ZBTB25: variants seen among roughly 807,000 people sequenced by gnomAD.
ZBTB25 encodes zinc finger and BTB domain containing 25, also known as zinc finger and BTB domain-containing protein 25.
A neutral mutation model predicts 34.2 loss-of-function variants in ZBTB25; 20 were observed. The observed-to-expected ratio is 0.58, with a 90% confidence interval of 0.41 to 0.85. The LOEUF (loss-of-function observed/expected upper bound fraction) is 0.85, where lower values mean the gene tolerates loss of function less well. ZBTB25 is among the 40% of genes least tolerant of loss of function. The pLI, the probability that ZBTB25 is intolerant of heterozygous loss-of-function variation, is 0.00. For synonymous variants in ZBTB25, 175 were observed against 186.4 expected, an observed-to-expected ratio of 0.94 and a Z score of 0.50; for missense variants, 437 against 521.8, an observed-to-expected ratio of 0.84 and a Z score of 1.58.
chr14:64,475,743 G>A (rs1402905091), downstream of ZBTB25, among the ~76,000 whole-genome samples: 2 of 152,228 alleles, frequency 1.3e-5, no homozygotes, highest in South Asian at 2.1e-4. Context: ...AGCAGTGAAG[G>A]GAAACCTAGG....
intron 1 of ZBTB25, among the ~76,000 whole-genome samples, chr14:64,494,532 T>C (rs576712382): frequency 7.3e-5 from 11 of 150,856 alleles, no homozygotes; most frequent in African/African-American, 2.4e-4. Flanking sequence ...ACTTGGGAGG[T>C]TGAGGCAGAA....
intron 1 of ZBTB25, chr14:64,499,297 AGGCAT>A (rs2079403293): frequency 6.6e-6 from 1 of 152,162 alleles, no homozygotes; most frequent in Non-Finnish European, 1.5e-5. Context: ...CTCCATGGCC[AGGCAT>A]GGTGGCTCGC....
chr14:64,505,091 C>T (rs1331556494), upstream of ZBTB25: 2 of 355,372 alleles, frequency 5.6e-6, no homozygotes, highest in East Asian at 8.4e-5. Context: ...TGCGAGGACC[C>T]GGTGACGGGC....
chr14:64,504,995 C>T (rs967192977), upstream of ZBTB25: 5 of 391,048 alleles, frequency 1.3e-5, no homozygotes, highest in Non-Finnish European at 2.3e-5. Context: ...TGGCCCAGGC[C>T]GGAGGGCGAC....
intron 2 of ZBTB25, among the ~76,000 whole-genome samples, chr14:64,465,957 C>G (rs1044508343): frequency 2.6e-5 from 4 of 152,150 alleles, no homozygotes; most frequent in Non-Finnish European, 5.9e-5. Flanking sequence ...GTTATCTGTT[C>G]CACGCCCCCG....
rs561565817 is a variant in ZBTB25 at position 64,480,101 on chromosome 14, A to C, written c.*6822T>G. 5.8e-6 allele frequency: 1 copy of C among 173,316 alleles called. No individual in the cohort carries two copies. Among genetic ancestry groups the C allele is most frequent in the African/African-American group, 2.4e-5 (1 of 41,726 alleles). 10.7% of individuals were successfully genotyped at this position (173,316 alleles called of 1,614,324 possible). ...CACTTTGGGAGGCTGAGGCAGGTGA[A>C]TCACAAGGTCAGGAGTTCGAGACCA... On this transcript the variant is annotated 3_prime_UTR_variant, in exon 3 of 3. Transcript: ENST00000608382.
At chr14:64,468,925 G>A (rs765159924) in intron 2 of ZBTB25, 6 of 1,614,084 alleles carry the variant, frequency 3.7e-6, no homozygotes, top group South Asian at 1.1e-5. Context: ...CAAAGGCTAA[G>A]TCAACCCAGG....
In ZBTB25 at chr14:64,478,670, T is replaced by C. The variant is rs2078743504; in HGVS notation, c.*8253A>G. The stretch of plus-strand genomic sequence containing the variant: ...AAAGTTATCTGCTGAGATATGTACA[T>C]GTAAATCAGAAGCATCTTGATTAAA... On this transcript the variant is annotated 3_prime_UTR_variant, in exon 3 of 3. Coordinates refer to ENST00000608382, the MANE Select transcript of ZBTB25 (RefSeq NM_006977.5). The C allele has an allele frequency of 6.6e-6, 1 of 152,220 alleles. No individual in the cohort carries two copies. The allele number at this position is 152,220 out of a possible 1,614,324, so 9.4% of individuals were successfully genotyped here. A position where few individuals can be genotyped will look rare whatever the true frequency, so the allele number is the denominator to read the frequency against.
chr14:64,499,662 A>T (rs2079417403), intron 1 of ZBTB25: 1 of 152,138 alleles, frequency 6.6e-6, no homozygotes, highest in South Asian at 2.1e-4. Flanking sequence ...CTATTTTCAG[A>T]CTTCTTTTCA....
rs1053025460 is a variant in ZBTB25, at chr14:64,479,699, A to C, written c.*7224T>G. On this transcript the variant is annotated 3_prime_UTR_variant, in exon 3 of 3. Coordinates refer to ENST00000608382, the MANE Select transcript of ZBTB25 (RefSeq NM_006977.5). ...TTTTCTTCCCTTTGGACCCAAATGG[A>C]AACATCAGCTCTTCTTGAGTTTCAA... 1 of 152,228 alleles carries C rather than the reference A, an allele frequency of 6.6e-6. No individual in the cohort carries two copies. The highest frequency in any genetic ancestry group is 1.5e-5 in the Non-Finnish European group (1 of 68,056). The allele number at this position is 152,228 out of a possible 1,614,324, so 9.4% of individuals were successfully genotyped here.
At position 64,494,641 on chromosome 14, in the gene ZBTB25, A is replaced by G. The variant is rs147368836; in HGVS notation, c.-7-4101T>C. The stretch of plus-strand genomic sequence containing the variant: ...GAGACTCTGTCTCAAAAAAAAATAA[A>G]AAAATAAAAATAAAGAAACCAGAGG... On this transcript the variant is annotated intron_variant, in intron 1 of 2. Coordinates refer to ENST00000608382, the MANE Select transcript of ZBTB25 (RefSeq NM_006977.5). Among the ~76,000 whole-genome samples the G allele has an allele frequency of 1.2e-4, 18 of 152,324 alleles. No individual in the cohort carries two copies. The East Asian group carries it at 3.3e-3, about 28-fold the overall frequency.
chr14:64,461,594 CA>C (rs1397127703), intron 2 of ZBTB25: 4 of 31,856 alleles, frequency 1.3e-4, no homozygotes, highest in South Asian at 6.9e-4. Flanking sequence ...TTTTTTTTGG[CA>C]GGGGGGGTAG....
downstream of ZBTB25, among the ~76,000 whole-genome samples, chr14:64,475,238 A>G (rs557436635): frequency 2.6e-4 from 39 of 152,136 alleles, no homozygotes; most frequent in African/African-American, 9.2e-4. Flanking sequence ...AGGAGATGGA[A>G]ACCATCCTGG....
intron 2 of ZBTB25, chr14:64,454,981 G>C: frequency 8.5e-7 from 1 of 1,180,004 alleles, no homozygotes; most frequent in Non-Finnish European, 1.3e-6. Flanking sequence ...TCACTGCCCA[G>C]AAGAAAATTG....
intron 2 of ZBTB25, chr14:64,453,619 T>C (rs2078415023): frequency 5.8e-6 from 4 of 685,960 alleles, no homozygotes; most frequent in Non-Finnish European, 1.1e-5. Context: ...CCTCAAACTA[T>C]TTGCTTATGT....
chr14:64,487,932 C>T lies in ZBTB25; in HGVS notation c.299G>A (p.Arg100Gln). 1 of 1,614,146 alleles carries T rather than the reference C, an allele frequency of 6.2e-7. No homozygotes were observed. The highest frequency in any genetic ancestry group is 8.5e-7 in the Non-Finnish European group (1 of 1,180,044). Residue 100 changes from arginine (R) to glutamine (Q), a missense_variant, in exon 3 of 3, where the codon CGA becomes CAA. Coordinates refer to ENST00000608382, the MANE Select transcript of ZBTB25 (RefSeq NM_006977.5). ...VDHSRLEEGI[R>Q]FLHADYLSHI... ...AGAAAGGTAGTCGGCGTGAAGAAAT[C>T]GAATCCCTTCCTCCAAACGACTATG...
chr14:64,454,088 G>A (rs1410199302), intron 2 of ZBTB25, among the ~76,000 whole-genome samples: 1 of 152,144 alleles, frequency 6.6e-6, no homozygotes, highest in Non-Finnish European at 1.5e-5. Context: ...AATACAGAAT[G>A]TCTTACCAAA....
intron 2 of ZBTB25, chr14:64,461,523 T>C (rs1362630817): frequency 3.3e-5 from 5 of 149,600 alleles, no homozygotes; most frequent in Admixed American, 6.7e-5. Context: ...TTGCACAGCA[T>C]CCTCCAGGCC....
At chr14:64,465,286 C>T (rs962768611) in intron 2 of ZBTB25, among the ~76,000 whole-genome samples, 1 of 151,880 alleles carries the variant, frequency 6.6e-6, no homozygotes, top group Admixed American at 6.5e-5. Flanking sequence ...CTGATGTGGT[C>T]TGGCAGTGGA....
Sources: allele counts gnomAD v4.1 joint callset (sites outside exome capture counted in the v4.1 genomes callset), GRCh38; gene constraint gnomAD v4.1.1; transcripts MANE v1.5; gene names NCBI Gene and HGNC (gene_info 2026-07-23, HGNC 2026-07-21).